ANTXR1: variants seen among roughly 807,000 people sequenced by gnomAD.
ANTXR1 encodes anthrax toxin receptor 1.
Under a neutral mutation model 78.1 loss-of-function variants are expected in ANTXR1, and 19 were observed. That is an observed-to-expected ratio of 0.24 (90% confidence interval 0.17 to 0.36). ANTXR1 has a LOEUF of 0.36. Among genes scored for constraint, ANTXR1 ranks in the 10% least tolerant of loss-of-function variants. ANTXR1 has a pLI of 1.00. For missense variants in ANTXR1, 518 were observed against 718.6 expected (o/e 0.72, Z 3.19); for synonymous variants, 273 against 260.5 (o/e 1.05, Z -0.46).
At chr2:69,083,061 A>G (rs1021839918) in intron 8 of ANTXR1, among the ~76,000 whole-genome samples, 1 of 152,220 alleles carries the variant, frequency 6.6e-6, no homozygotes, top group Non-Finnish European at 1.5e-5. Context: ...TATGAAAACC[A>G]GATCCTGTGC....
At chr2:69,064,004 C>T (rs1288730763) in intron 3 of ANTXR1, among the ~76,000 whole-genome samples, 2 of 151,320 alleles carry the variant, frequency 1.3e-5, no homozygotes, top group African/African-American at 4.9e-5. Context: ...GAGAAAGAAA[C>T]AAAGAACAGA....
At chr2:69,123,989 A>G (rs1158967534) in intron 11 of ANTXR1, among the ~76,000 whole-genome samples, 1 of 152,234 alleles carries the variant, frequency 6.6e-6, no homozygotes, top group African/African-American at 2.4e-5. Flanking sequence ...CACTGATTTC[A>G]CAAATTAGCT....
At chr2:69,070,982 C>A (rs372028790) in intron 4 of ANTXR1, among the ~76,000 whole-genome samples, 2 of 152,152 alleles carry the variant, frequency 1.3e-5, no homozygotes, top group Admixed American at 1.3e-4. Flanking sequence ...CACAAATTCA[C>A]GCCACACACA....
intron 11 of ANTXR1, 64 bp from the exon 12 acceptor site, chr2:69,124,501 G>A: frequency 7.0e-7 from 1 of 1,423,106 alleles, no homozygotes. Context: ...CTGTGTGTCT[G>A]GCTCTCAGCC....
intron 17 of ANTXR1, among the ~76,000 whole-genome samples, chr2:69,205,730 T>C (rs553943135): frequency 1.2e-4 from 18 of 152,116 alleles, no homozygotes; most frequent in Non-Finnish European, 2.5e-4. Flanking sequence ...TGCATTTGAG[T>C]CACAGGCAAG....
chr2:69,090,655 G>A, intron 8 of ANTXR1: 1 of 615,122 alleles, frequency 1.6e-6, no homozygotes, highest in South Asian at 1.9e-5. Flanking sequence ...GGGCTTTTAG[G>A]ATACCCAACA....
At chr2:69,208,345 G>T (rs1674955480) in intron 17 of ANTXR1, among the ~76,000 whole-genome samples, 1 of 152,154 alleles carries the variant, frequency 6.6e-6, no homozygotes, top group African/African-American at 2.4e-5. Flanking sequence ...AAAATCTAGA[G>T]CTGACTATCC....
intron 7 of ANTXR1, 40 bp downstream of exon 7, chr2:69,075,698 C>T (rs1232060219): frequency 1.5e-5 from 24 of 1,566,938 alleles, no homozygotes; most frequent in Non-Finnish European, 1.9e-5. Context: ...GCATACTGAG[C>T]TTGTGAATCA....
In ANTXR1 at chr2:69,229,909, C is replaced by G. The variant is rs76836740; in HGVS notation, c.1435-15316C>G. Among the ~76,000 whole-genome samples the G allele has an allele frequency of 6.8e-3, 1,034 of 152,126 alleles. 16 individuals carry two copies. The highest frequency in any genetic ancestry group is 0.022 in the African/African-American group (927 of 41,500). Reference sequence around the variant, plus strand: ...ATTGATGAAGAGATGATGGTCAGTACCAATGGCTGGTTTTAAGAAGAGCAA... The same window carrying G: ...ATTGATGAAGAGATGATGGTCAGTAGCAATGGCTGGTTTTAAGAAGAGCAA... On this transcript the variant is annotated intron_variant, in intron 17 of 17. Coordinates refer to ENST00000303714, the MANE Select transcript of ANTXR1 (RefSeq NM_032208.3).
intron 1 of ANTXR1, among the ~76,000 whole-genome samples, chr2:69,017,431 C>T (rs1671056647): frequency 6.6e-6 from 1 of 152,204 alleles, no homozygotes; most frequent in Non-Finnish European, 1.5e-5. Context: ...ATCCCTGCAA[C>T]TCCTTCTTCC....
At chr2:69,146,194 A>G (rs1558598150) in intron 12 of ANTXR1, 36 of 985,412 alleles carry the variant, frequency 3.7e-5, no homozygotes, top group Non-Finnish European at 4.3e-5. Context: ...GACAAGACTT[A>G]AAACTATTCA....
chr2:69,112,321 C>T (rs1409986690), intron 10 of ANTXR1, among the ~76,000 whole-genome samples: 1 of 152,136 alleles, frequency 6.6e-6, no homozygotes, highest in Admixed American at 6.5e-5. Context: ...TGCCCAAGTT[C>T]GCGCAGTTGG....
intron 12 of ANTXR1, among the ~76,000 whole-genome samples, chr2:69,138,238 G>A (rs1672972155): frequency 6.6e-6 from 1 of 152,076 alleles, no homozygotes; most frequent in Non-Finnish European, 1.5e-5. Flanking sequence ...GAAAATCTGA[G>A]AGGATCTCCT....
chr2:69,044,438 C>T (rs1161469403), intron 2 of ANTXR1, among the ~76,000 whole-genome samples: 1 of 152,170 alleles, frequency 6.6e-6, no homozygotes, highest in Non-Finnish European at 1.5e-5. Context: ...TTGGGACACA[C>T]TTCAAACAGA....
intron 6 of ANTXR1, 90 bp downstream of exon 6, chr2:69,073,191 A>G: frequency 8.8e-7 from 1 of 1,138,134 alleles, no homozygotes; most frequent in Non-Finnish European, 1.3e-6. Context: ...TTCATGTGAT[A>G]GGTGTTCTTT....
At chr2:69,178,214 C>A (rs565968883) in intron 14 of ANTXR1, among the ~76,000 whole-genome samples, 14 of 152,202 alleles carry the variant, frequency 9.2e-5, no homozygotes, top group Non-Finnish European at 1.6e-4. Context: ...TGGAAAGACA[C>A]ATCAAAGATT....
At chr2:69,162,654 G>A (rs550648797) in intron 13 of ANTXR1, among the ~76,000 whole-genome samples, 2 of 152,230 alleles carry the variant, frequency 1.3e-5, no homozygotes, top group African/African-American at 4.8e-5. Flanking sequence ...GATACACATG[G>A]AAAGCACAAA....
intron 3 of ANTXR1, among the ~76,000 whole-genome samples, chr2:69,062,567 C>T (rs914112006): frequency 1.3e-5 from 2 of 152,158 alleles, no homozygotes; most frequent in African/African-American, 4.8e-5. Context: ...ATCAGCCCCT[C>T]GCCCTAGCTC....
chr2:69,053,100 GA>G (rs1278011644), intron 3 of ANTXR1, among the ~76,000 whole-genome samples: 4 of 152,092 alleles, frequency 2.6e-5, no homozygotes, highest in African/African-American at 9.7e-5. Context: ...TTCAAAGGGG[GA>G]TATTTTCTCA....
Sources: gnomAD v4.1 joint callset for allele counts (sites outside exome capture counted in the v4.1 genomes callset) on GRCh38, gnomAD v4.1.1 for gene constraint, MANE v1.5 for transcripts, NCBI Gene and HGNC (gene_info 2026-07-23, HGNC 2026-07-21) for gene names.